The following SLC35F3 variants were observed in gnomAD, a reference collection of about 807,000 sequenced individuals.
SLC35F3 encodes putative thiamine transporter SLC35F3.
SLC35F3 carries 25 observed loss-of-function variants against 49.9 expected under a neutral mutation model. The observed-to-expected ratio is 0.50, with a 90% confidence interval of 0.37 to 0.70. The LOEUF (loss-of-function observed/expected upper bound fraction) is 0.70, where lower values mean the gene tolerates loss of function less well. SLC35F3 is among the 30% of genes least tolerant of loss of function. The pLI, the probability that SLC35F3 is intolerant of heterozygous loss-of-function variation, is 0.00. For missense variants in SLC35F3, 525 were observed against 639.8 expected, an observed-to-expected ratio of 0.82 and a Z score of 1.94; for synonymous variants, 275 against 265.4, an observed-to-expected ratio of 1.04 and a Z score of -0.35.
intron 3 of SLC35F3, among the ~76,000 whole-genome samples, chr1:234,248,286 G>A (rs1469467126): frequency 1.3e-5 from 2 of 148,356 alleles, no homozygotes; most frequent in Non-Finnish European, 3.0e-5. Context: ...CTGGTCCATT[G>A]TTTGGTGGGT....
intron 2 of SLC35F3, among the ~76,000 whole-genome samples, chr1:234,193,905 AC>A (rs1666766602): frequency 6.6e-6 from 1 of 152,224 alleles, no homozygotes; most frequent in South Asian, 2.1e-4. Context: ...ATACCATCTT[AC>A]TCCTGCAAGA....
At chr1:234,153,209 A>C (rs1485958348) in intron 2 of SLC35F3, among the ~76,000 whole-genome samples, 1 of 152,234 alleles carries the variant, frequency 6.6e-6, no homozygotes, top group East Asian at 1.9e-4. Flanking sequence ...AGACAATCAC[A>C]TGACTAGAGA....
Position 233,905,145 on chromosome 1 carries a change from G to T in SLC35F3, c.53+15G>T. On this transcript the variant is annotated intron_variant, in intron 1 of 7. Coordinates refer to ENST00000366618, the MANE Select transcript of SLC35F3 (RefSeq NM_173508.4). ...AGCATTGCCGTGTGAGTAGCGCCCC[G>T]GGCGTGGGTGAGCGAGCCGGCGGGC... 3 of 1,552,096 alleles carry T rather than the reference G, an allele frequency of 1.9e-6. No individual in the cohort carries two copies. In the South Asian group the frequency reaches 3.6e-5, roughly 18 times the overall value.
chr1:234,132,498 G>A (rs1442167805), intron 2 of SLC35F3, among the ~76,000 whole-genome samples: 2 of 152,176 alleles, frequency 1.3e-5, no homozygotes, highest in African/African-American at 2.4e-5. Flanking sequence ...GCATAAGCAT[G>A]CTCATTTCCC....
At chr1:234,000,005 A>G (rs943102877) in intron 2 of SLC35F3, among the ~76,000 whole-genome samples, 2 of 152,164 alleles carry the variant, frequency 1.3e-5, no homozygotes. Context: ...CAATATGACA[A>G]TGTTCCTAGA....
At chr1:233,912,278 T>C (rs550406025) in intron 2 of SLC35F3, among the ~76,000 whole-genome samples, 1 of 152,014 alleles carries the variant, frequency 6.6e-6, no homozygotes, top group African/African-American at 2.4e-5. Context: ...AGGAGTTCAA[T>C]ACCAGCCTGG....
At chr1:234,031,022 A>G (rs1434817455) in intron 2 of SLC35F3, among the ~76,000 whole-genome samples, 3 of 152,232 alleles carry the variant, frequency 2.0e-5, no homozygotes, top group Admixed American at 2.0e-4. Flanking sequence ...ACCATCATTC[A>G]TGTCAGGGGA....
intron 3 of SLC35F3, among the ~76,000 whole-genome samples, chr1:234,248,114 A>C (rs1441953877): frequency 1.5e-5 from 2 of 137,892 alleles, no homozygotes; most frequent in African/African-American, 2.8e-5. Flanking sequence ...TTGGCTGGTC[A>C]GTTGTTCTGT....
intron 3 of SLC35F3, among the ~76,000 whole-genome samples, chr1:234,248,195 G>C (rs1200143399): frequency 6.6e-6 from 1 of 152,062 alleles, no homozygotes; most frequent in Non-Finnish European, 1.5e-5. Context: ...CAGTTGGCTG[G>C]TCCATTGTTT....
At chr1:234,102,535 C>G (rs1294324619) in intron 2 of SLC35F3, among the ~76,000 whole-genome samples, 4 of 152,208 alleles carry the variant, frequency 2.6e-5, no homozygotes, top group Non-Finnish European at 5.9e-5. Context: ...TGTGAGCATT[C>G]TTTCTCCCTG....
intron 2 of SLC35F3, among the ~76,000 whole-genome samples, chr1:233,976,752 A>C (rs933778635): frequency 3.3e-5 from 5 of 152,108 alleles, no homozygotes; most frequent in Non-Finnish European, 5.9e-5. Flanking sequence ...CTGGGATTAC[A>C]GGTGTCTGCC....
rs1661751720 is a variant in SLC35F3 at position 233,905,179 on chromosome 1, G to T, written c.53+49G>T. The T allele has an allele frequency of 1.9e-6, 3 of 1,540,166 alleles. No homozygotes were observed. The African/African-American group carries it at 4.1e-5, about 21-fold the overall frequency. The stretch of plus-strand genomic sequence containing the variant: ...TGAGCGAGCCGGCGGGCGGGAGGCC[G>T]GAGCGCCGGGGTAGCCCTTTGCAGC... On this transcript the variant is annotated intron_variant, in intron 1 of 7. Coordinates refer to ENST00000366618, the MANE Select transcript of SLC35F3 (RefSeq NM_173508.4).
chr1:234,004,679 G>A (rs1663604121), intron 2 of SLC35F3, among the ~76,000 whole-genome samples: 1 of 152,014 alleles, frequency 6.6e-6, no homozygotes, highest in African/African-American at 2.4e-5. Flanking sequence ...CTTCATAAAG[G>A]CAAACTGCTT....
chr1:234,027,073 T>C lies in SLC35F3; in HGVS notation c.283+121315T>C, dbSNP rs1459193122. On this transcript the variant is annotated intron_variant, in intron 2 of 7. Coordinates refer to ENST00000366618, the MANE Select transcript of SLC35F3 (RefSeq NM_173508.4). The surrounding 1 kb of genome is among the most constrained non-coding windows in gnomAD (Gnocchi z 4.1). ...TCCAGTTGTATTCCATAAGCCCAGA[T>C]ACACTGATTTTCCAAGTACCATAAC... 6.5e-6 allele frequency: 1 copy of C among 153,150 alleles called. No homozygotes were observed. Among genetic ancestry groups the C allele is most frequent in the Admixed American group, 6.5e-5 (1 of 15,296 alleles). 9.5% of individuals were successfully genotyped at this position (153,150 alleles called of 1,614,324 possible). A position where few individuals can be genotyped will look rare whatever the true frequency, so the allele number is the denominator to read the frequency against.
At chr1:234,089,701 G>A (rs185401159) in intron 2 of SLC35F3, among the ~76,000 whole-genome samples, 1 of 152,240 alleles carries the variant, frequency 6.6e-6, no homozygotes, top group Admixed American at 6.5e-5. Flanking sequence ...GAAAATGAGT[G>A]TGTGCACCAG....
intron 2 of SLC35F3, among the ~76,000 whole-genome samples, chr1:234,025,326 T>C (rs1663961623): frequency 6.6e-6 from 1 of 152,246 alleles, no homozygotes; most frequent in African/African-American, 2.4e-5. Flanking sequence ...TTCCTTTGGG[T>C]ATATACCCAG....
intron 2 of SLC35F3, among the ~76,000 whole-genome samples, chr1:234,229,750 G>C (rs1043611369): frequency 6.6e-6 from 1 of 152,126 alleles, no homozygotes; most frequent in Non-Finnish European, 1.5e-5. Flanking sequence ...AAATTATCCC[G>C]ATAATGAACA....
chr1:234,175,529 G>A lies in SLC35F3; in HGVS notation c.284-55888G>A, dbSNP rs373990867. Among the ~76,000 whole-genome samples, 27 of 152,140 alleles carry A rather than the reference G, an allele frequency of 1.8e-4. No homozygotes were observed. The East Asian group carries it at 2.5e-3, about 14-fold the overall frequency. On this transcript the variant is annotated intron_variant, in intron 2 of 7. Transcript: ENST00000366618. ...GGAGAGGGTCTGGGCTTCATGCCAC[G>A]GCTCATGCCTTTAGTCCCAGCTATG...
intron 3 of SLC35F3, among the ~76,000 whole-genome samples, chr1:234,233,753 G>A (rs1161293228): frequency 6.6e-6 from 1 of 152,250 alleles, no homozygotes; most frequent in African/African-American, 2.4e-5. Flanking sequence ...CAATGTAAAA[G>A]AGGGAGGATA....
Sources: allele counts gnomAD v4.1 joint callset (sites outside exome capture counted in the v4.1 genomes callset), GRCh38; gene constraint gnomAD v4.1.1; non-coding constraint Gnocchi (gnomAD v3.1); transcripts MANE v1.5; gene names NCBI Gene and HGNC (gene_info 2026-07-23, HGNC 2026-07-21).